The following PAPSS1 variants were observed in gnomAD, a reference collection of about 807,000 sequenced individuals.
PAPSS1 encodes bifunctional 3'-phosphoadenosine 5'-phosphosulfate synthase 1.
In PAPSS1, 50 loss-of-function variants were observed where a neutral mutation model predicts 72.0. That is an observed-to-expected ratio of 0.69 (90% CI 0.55 to 0.88). PAPSS1 has a LOEUF of 0.88. Among genes scored for constraint, PAPSS1 ranks in the 40% least tolerant of loss-of-function variants. The probability of loss-of-function intolerance (pLI) is 0.00; values close to 1 mark genes in which losing one functional copy is unlikely to be tolerated. For missense variants in PAPSS1, 657 were observed against 782.2 expected (o/e 0.84, Z 1.91); for synonymous variants, 261 against 263.6 (o/e 0.99, Z 0.09).
intron 1 of PAPSS1, among the ~76,000 whole-genome samples, chr4:107,710,139 G>A (rs1578438499): frequency 6.6e-6 from 1 of 152,230 alleles, no homozygotes; most frequent in South Asian, 2.1e-4. Flanking sequence ...ACTCATTAAG[G>A]GTTGAGAATG....
At chr4:107,714,615 T>C (rs142349943) in intron 1 of PAPSS1, among the ~76,000 whole-genome samples, 1 of 152,322 alleles carries the variant, frequency 6.6e-6, no homozygotes, top group East Asian at 1.9e-4. Context: ...GATTTTACAT[T>C]TGCATTTCAG....
chr4:107,648,344 C>T (rs1317647686), intron 9 of PAPSS1, among the ~76,000 whole-genome samples: 3 of 152,192 alleles, frequency 2.0e-5, no homozygotes, highest in Non-Finnish European at 4.4e-5. Context: ...ACTGTCGTGT[C>T]GTGGCACAGT....
chr4:107,621,007 G>A (rs916229890), intron 11 of PAPSS1, among the ~76,000 whole-genome samples: 9 of 152,116 alleles, frequency 5.9e-5, no homozygotes, highest in East Asian at 3.9e-4. Context: ...ACAGCCTAAC[G>A]GAACATCATG....
At chr4:107,680,757 G>A (rs1403501610) in intron 5 of PAPSS1, among the ~76,000 whole-genome samples, 1 of 152,150 alleles carries the variant, frequency 6.6e-6, no homozygotes, top group Admixed American at 6.5e-5. Context: ...TAAGGAGGAA[G>A]CTACAAGTAG....
chr4:107,626,856 A>C (rs1726113578), intron 11 of PAPSS1, among the ~76,000 whole-genome samples: 1 of 152,192 alleles, frequency 6.6e-6, no homozygotes, highest in African/African-American at 2.4e-5. Flanking sequence ...TTTTGAACAC[A>C]AACACAAAAA....
intron 10 of PAPSS1, among the ~76,000 whole-genome samples, chr4:107,636,583 T>G (rs1055318380): frequency 2.6e-5 from 4 of 151,988 alleles, no homozygotes; most frequent in African/African-American, 7.3e-5. Context: ...CACTCTGGAG[T>G]GTAAGGCAGG....
intron 5 of PAPSS1, among the ~76,000 whole-genome samples, chr4:107,673,197 C>A (rs553655353): frequency 6.6e-6 from 1 of 152,298 alleles, no homozygotes; most frequent in South Asian, 2.1e-4. Context: ...AGCAGTGGAA[C>A]AAAGCTGGAC....
intron 5 of PAPSS1, among the ~76,000 whole-genome samples, chr4:107,675,177 T>G (rs897293179): frequency 5.9e-5 from 9 of 151,868 alleles, no homozygotes; most frequent in Admixed American, 2.6e-4. Context: ...AAGAAATAAC[T>G]AAGATCAGAG....
At chr4:107,715,278 C>T (rs1215577246) in intron 1 of PAPSS1, among the ~76,000 whole-genome samples, 4 of 152,192 alleles carry the variant, frequency 2.6e-5, no homozygotes, top group Admixed American at 6.5e-5. Flanking sequence ...CACTATCATT[C>T]GTCTTATTGC....
chr4:107,622,285 T>C (rs980744096), intron 11 of PAPSS1, among the ~76,000 whole-genome samples: 7 of 152,224 alleles, frequency 4.6e-5, no homozygotes, highest in African/African-American at 1.2e-4. Flanking sequence ...CTGTCTTCAA[T>C]TGCTGTTTAC....
chr4:107,633,511 A>G (rs1344913422), intron 10 of PAPSS1, among the ~76,000 whole-genome samples: 16 of 152,138 alleles, frequency 1.1e-4, no homozygotes, highest in Non-Finnish European at 2.4e-4. Flanking sequence ...ACAGTTTAAC[A>G]TAATAATAAA....
At chr4:107,643,733 T>A (rs1726620155) in intron 10 of PAPSS1, among the ~76,000 whole-genome samples, 1 of 152,194 alleles carries the variant, frequency 6.6e-6, no homozygotes, top group African/African-American at 2.4e-5. Context: ...AAATTTTTTT[T>A]AATCTGGAAG....
chr4:107,658,423 C>G (rs1727077879), intron 6 of PAPSS1, among the ~76,000 whole-genome samples: 1 of 151,076 alleles, frequency 6.6e-6, no homozygotes, highest in Non-Finnish European at 1.5e-5. Flanking sequence ...TTACCCATGA[C>G]AGAGTACTCT....
intron 5 of PAPSS1, among the ~76,000 whole-genome samples, chr4:107,670,165 C>G (rs1434505225): frequency 1.3e-5 from 2 of 152,188 alleles, no homozygotes; most frequent in African/African-American, 4.8e-5. Flanking sequence ...AGACAACATA[C>G]TATAAATATG....
chr4:107,632,006 C>T (rs1369003921), intron 10 of PAPSS1, 146 bp from the exon 11 acceptor site: 2 of 623,798 alleles, frequency 3.2e-6, no homozygotes, highest in African/African-American at 3.7e-5. Flanking sequence ...CCTGGGAAGC[C>T]AGAAACAAAA....
intron 11 of PAPSS1, among the ~76,000 whole-genome samples, chr4:107,629,535 C>G (rs1216616146): frequency 6.6e-6 from 1 of 152,176 alleles, no homozygotes. Context: ...ACACCCAGAT[C>G]AGCTGCAGAC....
intron 5 of PAPSS1, among the ~76,000 whole-genome samples, chr4:107,678,859 G>C (rs1727730115): frequency 6.6e-6 from 1 of 152,096 alleles, no homozygotes; most frequent in Non-Finnish European, 1.5e-5. Context: ...TAATGAAAAA[G>C]GAAAGGAAAC....
intron 11 of PAPSS1, among the ~76,000 whole-genome samples, chr4:107,625,219 C>T (rs1560564074): frequency 6.6e-6 from 1 of 152,156 alleles, no homozygotes; most frequent in Non-Finnish European, 1.5e-5. Flanking sequence ...GCCCCAATGA[C>T]CTTTGTCCCC....
At chr4:107,675,227 A>G (rs1388243645) in intron 5 of PAPSS1, among the ~76,000 whole-genome samples, 1 of 152,356 alleles carries the variant, frequency 6.6e-6, no homozygotes, top group Non-Finnish European at 1.5e-5. Context: ...ACTCTTCAAA[A>G]AAATCAATGA....
Sources: gnomAD v4.1 joint callset for allele counts (sites outside exome capture counted in the v4.1 genomes callset) on GRCh38, gnomAD v4.1.1 for gene constraint, MANE v1.5 for transcripts, NCBI Gene and HGNC (gene_info 2026-07-23, HGNC 2026-07-21) for gene names.